Variants in PAIP1 observed in about 807,000 individuals in gnomAD.
PAIP1 encodes the protein poly(A) binding protein interacting protein 1, also known as polyadenylate-binding protein-interacting protein 1.
In PAIP1, 16 loss-of-function variants were observed where a neutral mutation model predicts 61.3. That is an observed-to-expected ratio of 0.26 (90% CI 0.18 to 0.40). PAIP1 has a LOEUF of 0.40. Among genes scored for constraint, PAIP1 ranks in the 10% least tolerant of loss-of-function variants. The pLI is 1.00. For missense variants in PAIP1, 416 were observed against 600.9 expected (o/e 0.69, Z 3.22); for synonymous variants, 187 against 226.2 (o/e 0.83, Z 1.56).
chr5:43,530,482 G>A (rs531365691), intron 9 of PAIP1, among the ~76,000 whole-genome samples: 1 of 152,156 alleles, frequency 6.6e-6, no homozygotes, highest in African/African-American at 2.4e-5. Context: ...CCTAACCTCT[G>A]AATAAAAAAA....
intron 10 of PAIP1, among the ~76,000 whole-genome samples, chr5:43,528,714 T>TA (rs200414129): frequency 1.1e-4 from 17 of 151,988 alleles, no homozygotes; most frequent in African/African-American, 3.6e-4. Context: ...TTCACTTTTT[T>TA]AAAAAAATCT....
intron 10 of PAIP1, among the ~76,000 whole-genome samples, chr5:43,528,735 A>G (rs1297531905): frequency 6.6e-6 from 1 of 152,090 alleles, no homozygotes; most frequent in East Asian, 1.9e-4. Flanking sequence ...ACAACACAGG[A>G]GATATTAAAA....
intron 8 of PAIP1, 87 bp from the exon 9 acceptor site, chr5:43,533,879 C>T (rs371354437): frequency 3.9e-5 from 32 of 813,102 alleles, no homozygotes; most frequent in Non-Finnish European, 6.3e-5. Flanking sequence ...TGATGTCACC[C>T]GTCTGCACCT....
rs369954867 is a variant in PAIP1, at chr5:43,531,656, C to CAAAAAAAAAAAAAAAAAAAAAAAAAAA, written c.1253-1778_1253-1777insTTTTTTTTTTTTTTTTTTTTTTTTTTT. On this transcript the variant is annotated intron_variant, in intron 9 of 10. Transcript: ENST00000306846. ...TGGGTAACAGAGTGAGACTCTGTCT[C>CAAAAAAAAAAAAAAAAAAAAAAAAAAA]AAAAAAAAAAAAAAAAAAAAAGAGA... is the stretch of plus-strand genomic sequence containing the variant. 1.2e-3 allele frequency among the ~76,000 whole-genome samples: 70 copies of CAAAAAAAAAAAAAAAAAAAAAAAAAAA among 59,868 alleles called. 1 individual carries two copies. The highest frequency in any genetic ancestry group is 7.8e-3 in the Middle Eastern group (1 of 128). 39.3% of individuals were successfully genotyped at this position (59,868 alleles called of 152,430 possible).
chr5:43,532,923 C>CA (rs768642093), intron 9 of PAIP1, among the ~76,000 whole-genome samples: 11 of 152,104 alleles, frequency 7.2e-5, no homozygotes, highest in Non-Finnish European at 1.6e-4. Flanking sequence ...ATCTGATGGA[C>CA]AAAAATTAAG....
intron 9 of PAIP1, among the ~76,000 whole-genome samples, chr5:43,532,971 C>A (rs1363797419): frequency 6.6e-6 from 1 of 152,098 alleles, no homozygotes; most frequent in East Asian, 1.9e-4. Context: ...GGAGCAGGAA[C>A]CCTCATGTGC....
chr5:43,536,779 G>C (rs370443437), intron 6 of PAIP1, 40 bp downstream of exon 6: 147 of 1,060,446 alleles, frequency 1.4e-4, no homozygotes, highest in Admixed American at 7.3e-4. Context: ...TAAATCATAA[G>C]TAAATACGTA....
At position 43,535,559 on chromosome 5, in the gene PAIP1, C is replaced by A; in HGVS notation, c.1054G>T (p.Val352Phe). The change falls in exon 7 of 11, where the codon GTT becomes TTT. Residue 352 changes from valine (V) to phenylalanine (F), a missense_variant. By Grantham distance (50) the Val-to-Phe change is conservative (BLOSUM62 -1). Around this residue, in one of 4 missense-constraint regions of PAIP1, gnomAD observed 135 missense variants for 283.9 expected, o/e 0.48. Transcript: ENST00000306846. ...MEEIIQRIEN[V>F]VLDANCSRDV... ...CTACTGCAGTTTGCATCTAGGACAA[C>A]GTTTTCAATTCTCTGAATAATTTCT... is the stretch of plus-strand genomic sequence containing the variant. 1 of 1,587,016 alleles carries A rather than the reference C, an allele frequency of 6.3e-7. No individual in the cohort carries two copies.
Position 43,555,977 on chromosome 5 carries a change from A to G in PAIP1, c.288T>C (p.Ala96=). The change falls in exon 2 of 11, where the codon GCT becomes GCC. Residue 96 remains alanine, a synonymous_variant. Coordinates refer to ENST00000306846, the MANE Select transcript of PAIP1 (RefSeq NM_006451.5). Reference sequence around the variant, plus strand: ...GGATTTTATCCTGTGAACTAGGTGGAGCTCTCAGGGGCCTCGTTTGCTCTG... The same window carrying G: ...GGATTTTATCCTGTGAACTAGGTGGGGCTCTCAGGGGCCTCGTTTGCTCTG... ...ALPEQTRPLR[A]PPSSQDKIPQ... 6.2e-7 allele frequency: 1 copy of G among 1,613,544 alleles called. No homozygotes were observed. Among genetic ancestry groups the G allele is most frequent in the Non-Finnish European group, 8.5e-7 (1 of 1,179,864 alleles).
At chr5:43,527,713 G>A (rs1379869860) in intron 10 of PAIP1, among the ~76,000 whole-genome samples, 1 of 152,062 alleles carries the variant, frequency 6.6e-6, no homozygotes, top group African/African-American at 2.4e-5. Flanking sequence ...TATACTTTTA[G>A]ACATAAGTTA....
Position 43,556,018 on chromosome 5 carries a change from C to A in PAIP1, c.266-19G>T, listed in dbSNP as rs1307120304. ...GTTTGCTCTGCAAAAGAAAAAAAAACGGGGCGTCAGATGCATTCTTTCCTT... is the reference window on the plus strand; with the variant it reads ...GTTTGCTCTGCAAAAGAAAAAAAAAAGGGGCGTCAGATGCATTCTTTCCTT... On this transcript the variant is annotated intron_variant, in intron 1 of 10. Coordinates refer to ENST00000306846, the MANE Select transcript of PAIP1 (RefSeq NM_006451.5). 1.3e-6 allele frequency: 2 copies of A among 1,599,534 alleles called. No homozygotes were observed. Among genetic ancestry groups the A allele is most frequent in the African/African-American group, 1.4e-5 (1 of 73,822 alleles).
intron 9 of PAIP1, among the ~76,000 whole-genome samples, chr5:43,531,455 C>T (rs1746925514): frequency 6.8e-6 from 1 of 147,292 alleles, no homozygotes; most frequent in African/African-American, 2.5e-5. Flanking sequence ...CAAGACCAGC[C>T]TGACCAACAT....
At chr5:43,540,312 A>T (rs149968744) in intron 4 of PAIP1, among the ~76,000 whole-genome samples, 1 of 152,336 alleles carries the variant, frequency 6.6e-6, no homozygotes, top group African/African-American at 2.4e-5. Context: ...CAGTTAATTA[A>T]TGCCAAATCA....
chr5:43,534,908 T>C lies in PAIP1; in HGVS notation c.1142A>G (p.His381Arg), dbSNP rs199834392. ...ELRSSNWGRV[H>R]ATSTYREATP... ...TGCTTCTCTATATGTTGAAGTTGCA[T>C]GGACTCTGCCCCAGTTACTTGACCG... Residue 381 changes from histidine (H) to arginine (R), a missense_variant, in exon 8 of 11, where the codon CAT (histidine) becomes CGT (arginine). His to Arg is a conservative substitution (Grantham distance 29, BLOSUM62 0). Coordinates refer to ENST00000306846, the MANE Select transcript of PAIP1 (RefSeq NM_006451.5). The C allele has an allele frequency of 8.1e-6, 13 of 1,610,022 alleles. No homozygotes were observed. The highest frequency in any genetic ancestry group is 5.5e-5 in the South Asian group (5 of 90,998).
At chr5:43,538,785 T>G (rs1161826787) in intron 5 of PAIP1, 139 bp downstream of exon 5, 10 of 580,138 alleles carry the variant, frequency 1.7e-5, no homozygotes, top group Non-Finnish European at 2.8e-5. Flanking sequence ...CACTAGCAGG[T>G]GCCGAAACAT....
intron 10 of PAIP1, 32 bp from the exon 11 acceptor site, chr5:43,527,501 G>A: frequency 2.6e-6 from 4 of 1,556,166 alleles, no homozygotes; most frequent in Non-Finnish European, 2.6e-6. Flanking sequence ...ATAAGTGTAA[G>A]GTTTTTCAAC....
rs1041786618 is a variant in PAIP1, at chr5:43,557,018, G to A, written c.-172C>T. On this transcript the variant is annotated 5_prime_UTR_variant, in exon 1 of 11. Coordinates refer to ENST00000306846, the MANE Select transcript of PAIP1 (RefSeq NM_006451.5). ...GCTCGGTGCTTCTGGCGGAGCGGACGGCAGCCCGAGCACCCGCCGCTCCAG... is the reference window on the plus strand; with the variant it reads ...GCTCGGTGCTTCTGGCGGAGCGGACAGCAGCCCGAGCACCCGCCGCTCCAG... 1 of 1,154,098 alleles carries A rather than the reference G, an allele frequency of 8.7e-7. No homozygotes were observed. Among genetic ancestry groups the A allele is most frequent in the Non-Finnish European group, 1.1e-6 (1 of 913,040 alleles). The allele number at this position is 1,154,098 out of a possible 1,614,324, so 71.5% of individuals were successfully genotyped here.
In PAIP1 at chr5:43,555,760, G is replaced by C. The variant is rs559654934; in HGVS notation, c.435+70C>G. 2.2e-5 allele frequency: 30 copies of C among 1,348,192 alleles called. 1 individual carries two copies. Among genetic ancestry groups the C allele is most frequent in the Middle Eastern group, 2.7e-4 (1 of 3,676 alleles). 83.5% of individuals were successfully genotyped at this position (1,348,192 alleles called of 1,614,324 possible). On this transcript the variant is annotated intron_variant, in intron 2 of 10. Coordinates refer to ENST00000306846, the MANE Select transcript of PAIP1 (RefSeq NM_006451.5). ...AGTACAGAAAGCACAAACATACTCT[G>C]ATTAACAAAGTAACAACCACATTAT...
At chr5:43,529,154 GTAC>G (rs1367769144) in intron 10 of PAIP1, among the ~76,000 whole-genome samples, 1 of 145,372 alleles carries the variant, frequency 6.9e-6, no homozygotes, top group Non-Finnish European at 1.5e-5. Flanking sequence ...GACTCAACAG[GTAC>G]TACTATTCTT....
Sources: gnomAD v4.1 joint callset for allele counts (sites outside exome capture counted in the v4.1 genomes callset) on GRCh38, gnomAD v4.1.1 for gene constraint, gnomAD v4.1.1 regional missense constraint, MANE v1.5 for transcripts, NCBI Gene and HGNC (gene_info 2026-07-23, HGNC 2026-07-21) for gene names.